The following MGAT4C variants were observed in gnomAD, a reference collection of about 807,000 sequenced individuals.
The protein encoded by MGAT4C is MGAT4 family member C, also known as alpha-1,3-mannosyl-glycoprotein 4-beta-N-acetylglucosaminyltransferase C.
A neutral mutation model predicts 40.1 loss-of-function variants in MGAT4C; 19 were observed. The ratio of observed to expected loss-of-function variants is 0.47; its 90% CI spans 0.33 to 0.70. The LOEUF is 0.70. Ranked by LOEUF, MGAT4C falls within the 30% of genes least tolerant of loss-of-function variation. MGAT4C has a pLI of 0.02. For synonymous variants in MGAT4C, 181 were observed against 187.1 expected (o/e 0.97, Z 0.27); for missense variants, 491 against 563.2 (o/e 0.87, Z 1.30).
chr12:86,101,192 A>T lies in MGAT4C; in HGVS notation c.-56-51469T>A, dbSNP rs147795850. ...GTAAGACATGGTTGCTGCCTTCAAG[A>T]TACTTAGATTTTGTTCAGTAAGATA... On this transcript the variant is annotated intron_variant, in intron 1 of 4. Coordinates refer to ENST00000611864, the MANE Select transcript of MGAT4C (RefSeq NM_001351288.2). Among the ~76,000 whole-genome samples the T allele has an allele frequency of 3.2e-4, 48 of 151,906 alleles. 1 individual carries two copies. Among genetic ancestry groups the T allele is most frequent in the African/African-American group, 1.1e-3 (46 of 41,548 alleles).
At chr12:86,421,871 G>C (rs565032142) in intron 3 of MGAT4C, among the ~76,000 whole-genome samples, 1 of 152,228 alleles carries the variant, frequency 6.6e-6, no homozygotes, top group Admixed American at 6.5e-5. Flanking sequence ...TCTGGTATAT[G>C]ATCAAGGAAA....
At chr12:86,666,406 T>C (rs1447349407) in intron 2 of MGAT4C, among the ~76,000 whole-genome samples, 1 of 152,128 alleles carries the variant, frequency 6.6e-6, no homozygotes, top group African/African-American at 2.4e-5. Context: ...ATTGTTGATG[T>C]GTCATACTGC....
intron 2 of MGAT4C, among the ~76,000 whole-genome samples, chr12:86,636,462 G>A (rs1963222343): frequency 6.6e-6 from 1 of 151,920 alleles, no homozygotes; most frequent in African/African-American, 2.4e-5. Flanking sequence ...TGGAGACTGG[G>A]CTTTGGGGAT....
At chr12:86,760,016 T>C (rs1049207067) in intron 1 of MGAT4C, among the ~76,000 whole-genome samples, 6 of 152,124 alleles carry the variant, frequency 3.9e-5, no homozygotes, top group African/African-American at 1.4e-4. Flanking sequence ...ATCACCTATC[T>C]TCAAAACATG....
At position 85,962,993 on chromosome 12, in the gene MGAT4C, C is replaced by T. The variant is rs1049879192; in HGVS notation, c.*16296G>A. On this transcript the variant is annotated 3_prime_UTR_variant, in exon 5 of 5. Transcript: ENST00000611864. ...TATTTCCTAGAGTTCAAACACTGAT[C>T]TTTTTAAGTGGCAAATTGTCCAAAA... 1 of 151,646 alleles carries T rather than the reference C, an allele frequency of 6.6e-6. No homozygotes were observed. Among genetic ancestry groups the T allele is most frequent in the African/African-American group, 2.4e-5 (1 of 41,368 alleles). 9.4% of individuals were successfully genotyped at this position (151,646 alleles called of 1,614,324 possible). A position where few individuals can be genotyped will look rare whatever the true frequency, so the allele number is the denominator to read the frequency against.
At chr12:86,304,642 C>G (rs1953891549) in intron 4 of MGAT4C, among the ~76,000 whole-genome samples, 1 of 150,606 alleles carries the variant, frequency 6.6e-6, no homozygotes, top group African/African-American at 2.5e-5. Flanking sequence ...AATTTTAACC[C>G]TATGTACCTG....
chr12:86,033,097 G>C (rs1890907916), intron 2 of MGAT4C, among the ~76,000 whole-genome samples: 2 of 149,480 alleles, frequency 1.3e-5, no homozygotes, highest in Admixed American at 6.7e-5. Flanking sequence ...TTATTTCTGT[G>C]ATCTCTATTC....
intron 2 of MGAT4C, among the ~76,000 whole-genome samples, chr12:86,674,845 A>G (rs989831220): frequency 6.6e-6 from 1 of 152,224 alleles, no homozygotes; most frequent in Non-Finnish European, 1.5e-5. Context: ...TGAACATAAA[A>G]TATACACTGA....
chr12:86,676,191 G>A (rs1446441150), intron 2 of MGAT4C, among the ~76,000 whole-genome samples: 1 of 151,950 alleles, frequency 6.6e-6, no homozygotes. Context: ...AGGTGAAAGA[G>A]GAAAGAATAC....
chr12:86,409,982 G>A (rs1422021872), intron 3 of MGAT4C, among the ~76,000 whole-genome samples: 1 of 152,136 alleles, frequency 6.6e-6, no homozygotes, highest in Admixed American at 6.5e-5. Context: ...AAACCAGCAG[G>A]TTTTTATTAA....
chr12:86,028,984 GTT>G (rs946325515), intron 2 of MGAT4C, among the ~76,000 whole-genome samples: 1 of 151,548 alleles, frequency 6.6e-6, no homozygotes, highest in African/African-American at 2.4e-5. Context: ...TCTAATTATT[GTT>G]TACAGTATTT....
intron 4 of MGAT4C, among the ~76,000 whole-genome samples, chr12:86,290,793 C>A (rs1453281852): frequency 6.6e-6 from 1 of 151,324 alleles, no homozygotes; most frequent in African/African-American, 2.4e-5. Flanking sequence ...GAAGGCAGAC[C>A]AAAGCTGACT....
At chr12:86,597,532 T>A (rs1961589970) in intron 2 of MGAT4C, among the ~76,000 whole-genome samples, 1 of 152,216 alleles carries the variant, frequency 6.6e-6, no homozygotes, top group Non-Finnish European at 1.5e-5. Flanking sequence ...GTTAAAAGAT[T>A]ATAGTTCTCT....
chr12:86,237,896 A>T (rs759052568), intron 1 of MGAT4C, among the ~76,000 whole-genome samples: 2 of 151,920 alleles, frequency 1.3e-5, no homozygotes, highest in Non-Finnish European at 2.9e-5. Flanking sequence ...CTTCGTTCAT[A>T]ATCTGTGGTC....
chr12:86,041,466 G>A (rs991007603), intron 2 of MGAT4C, among the ~76,000 whole-genome samples: 1 of 152,078 alleles, frequency 6.6e-6, no homozygotes, highest in Non-Finnish European at 1.5e-5. Flanking sequence ...AGCACCATAA[G>A]TTTCCCTCTT....
chr12:86,463,100 G>A (rs1297036359), intron 2 of MGAT4C, among the ~76,000 whole-genome samples: 3 of 152,120 alleles, frequency 2.0e-5, no homozygotes, highest in Non-Finnish European at 4.4e-5. Context: ...TGTCAATGGA[G>A]CCTACATCTG....
At chr12:86,043,356 C>T (rs367875649) in intron 2 of MGAT4C, among the ~76,000 whole-genome samples, 2 of 152,160 alleles carry the variant, frequency 1.3e-5, no homozygotes, top group East Asian at 3.9e-4. Flanking sequence ...CAGTCTGTGA[C>T]AGAAGGCCTG....
At chr12:86,451,397 TAGCCAGTCTC>T (rs1237819631) in intron 2 of MGAT4C, among the ~76,000 whole-genome samples, 2 of 152,174 alleles carry the variant, frequency 1.3e-5, no homozygotes, top group Non-Finnish European at 2.9e-5. Flanking sequence ...TCTTATAAAG[TAGCCAGTCTC>T]AGGTATTTCT....
chr12:86,154,799 C>T (rs931029597), intron 1 of MGAT4C, among the ~76,000 whole-genome samples: 2 of 152,138 alleles, frequency 1.3e-5, no homozygotes, highest in African/African-American at 4.8e-5. Context: ...ATCAATTTTT[C>T]ATTTTATCTA....
Sources: allele counts gnomAD v4.1 joint callset (sites outside exome capture counted in the v4.1 genomes callset), GRCh38; gene constraint gnomAD v4.1.1; transcripts MANE v1.5; gene names NCBI Gene and HGNC (gene_info 2026-07-23, HGNC 2026-07-21).